PIAS1: variants seen among roughly 807,000 people sequenced by gnomAD.
PIAS1 encodes the protein E3 SUMO-protein ligase PIAS1.
Under a neutral mutation model 71.3 loss-of-function variants are expected in PIAS1, and 6 were observed. The ratio of observed to expected loss-of-function variants is 0.08; its 90% CI spans 0.05 to 0.17. The LOEUF is 0.17. PIAS1 is among the 10% of genes least tolerant of loss of function. The probability of loss-of-function intolerance (pLI) is 1.00; values close to 1 mark genes in which losing one functional copy is unlikely to be tolerated. For missense variants in PIAS1, 555 were observed against 793.6 expected (o/e 0.70, Z 3.61); for synonymous variants, 303 against 292.9 (o/e 1.03, Z -0.35).
At chr15:68,072,375 G>C (rs1318741410) in intron 1 of PIAS1, among the ~76,000 whole-genome samples, 1 of 138,964 alleles carries the variant, frequency 7.2e-6, no homozygotes, top group African/African-American at 2.8e-5. Flanking sequence ...ACTCCAGCCT[G>C]GGTGACAGAG....
At chr15:68,082,298 G>A (rs1215287452) in intron 1 of PIAS1, among the ~76,000 whole-genome samples, 1 of 152,094 alleles carries the variant, frequency 6.6e-6, no homozygotes, top group African/African-American at 2.4e-5. Flanking sequence ...CAGTATAAAA[G>A]AGAGACAAGG....
In PIAS1 at chr15:68,189,266, A is replaced by T. The variant is rs1346976106; in HGVS notation, c.*1431A>T. 6.6e-6 allele frequency: 1 copy of T among 152,204 alleles called. No homozygotes were observed. Among genetic ancestry groups the T allele is most frequent in the Non-Finnish European group, 1.5e-5 (1 of 68,028 alleles). 9.4% of individuals were successfully genotyped at this position (152,204 alleles called of 1,614,324 possible). A position where few individuals can be genotyped will look rare whatever the true frequency, so the allele number is the denominator to read the frequency against. On this transcript the variant is annotated 3_prime_UTR_variant, in exon 14 of 14. Transcript: ENST00000249636. ...ACTAATGTTCCAAAATCCTCATCAG[A>T]GAAGGTATGATGTTCTCAGGTGTGG...
chr15:68,154,317 G>A (rs78539949), intron 7 of PIAS1, among the ~76,000 whole-genome samples: 3,540 of 152,266 alleles, frequency 0.023, 135 homozygotes, highest in African/African-American at 0.081. Flanking sequence ...CTGTTTTTAA[G>A]GGTTAAGGTC....
chr15:68,165,270 C>T (rs765847157), intron 8 of PIAS1, among the ~76,000 whole-genome samples: 6 of 151,970 alleles, frequency 3.9e-5, no homozygotes, highest in African/African-American at 1.2e-4. Flanking sequence ...TATAGGCATG[C>T]GCCACCACAC....
intron 1 of PIAS1, among the ~76,000 whole-genome samples, chr15:68,059,603 C>T (rs955419647): frequency 6.7e-6 from 1 of 149,936 alleles, no homozygotes; most frequent in African/African-American, 2.5e-5. Flanking sequence ...CTCAGCTACT[C>T]AGGAGGCTGA....
chr15:68,143,330 G>A (rs1209251017), intron 4 of PIAS1, among the ~76,000 whole-genome samples: 3 of 151,988 alleles, frequency 2.0e-5, no homozygotes, highest in Non-Finnish European at 2.9e-5. Context: ...AATCTAAAAC[G>A]CCTGTTCAGC....
chr15:68,147,179 G>A (rs947347293), intron 6 of PIAS1, among the ~76,000 whole-genome samples: 11 of 152,152 alleles, frequency 7.2e-5, no homozygotes, highest in Non-Finnish European at 1.5e-5. Flanking sequence ...AAGAAATTTT[G>A]TGTACATTGA....
intron 11 of PIAS1, 111 bp from the exon 12 acceptor site, chr15:68,181,101 C>T: frequency 2.4e-6 from 2 of 823,766 alleles, no homozygotes; most frequent in Non-Finnish European, 2.0e-6. Flanking sequence ...TGGTTTTGTT[C>T]TTATTTCCAG....
Position 68,181,699 on chromosome 15 carries a change from G to A in PIAS1, c.1624+345G>A, listed in dbSNP as rs1268488504. 8 of 191,784 alleles carry A rather than the reference G, an allele frequency of 4.2e-5. No individual in the cohort carries two copies. The South Asian group carries it at 4.4e-4, about 11-fold the overall frequency. 11.9% of individuals were successfully genotyped at this position (191,784 alleles called of 1,614,324 possible). A position where few individuals can be genotyped will look rare whatever the true frequency, so the allele number is the denominator to read the frequency against. The stretch of plus-strand genomic sequence containing the variant: ...ATTATTTTTTTTTGCCGTGGGGAAC[G>A]GAGTCTTGCTCTGTTGCCTGGGCTG... On this transcript the variant is annotated intron_variant, in intron 12 of 13. Transcript: ENST00000249636.
At chr15:68,181,090 T>A in intron 11 of PIAS1, 122 bp from the exon 12 acceptor site, 1 of 722,738 alleles carries the variant, frequency 1.4e-6, no homozygotes, top group Non-Finnish European at 2.3e-6. Flanking sequence ...ATTGCTTTGC[T>A]TGGTTTTGTT....
At chr15:68,142,975 C>T (rs28567561) in intron 4 of PIAS1, among the ~76,000 whole-genome samples, 1,693 of 152,012 alleles carry the variant, frequency 0.011, 31 homozygotes, top group African/African-American at 0.039. Flanking sequence ...GATTCACAAC[C>T]CCTTATTGAG....
chr15:68,110,459 G>A (rs2141009003), intron 2 of PIAS1, among the ~76,000 whole-genome samples: 1 of 152,198 alleles, frequency 6.6e-6, no homozygotes, highest in Non-Finnish European at 1.5e-5. Flanking sequence ...AGCCCGGTGT[G>A]GTGGCGGGTG....
chr15:68,113,823 A>G (rs766615921), intron 2 of PIAS1, among the ~76,000 whole-genome samples: 11 of 152,128 alleles, frequency 7.2e-5, no homozygotes, highest in Non-Finnish European at 1.5e-4. Flanking sequence ...AAAGTTTAAT[A>G]GTATTACATG....
chr15:68,135,690 G>T (rs1452400132), intron 2 of PIAS1, among the ~76,000 whole-genome samples: 5 of 68,116 alleles, frequency 7.3e-5, no homozygotes, highest in Non-Finnish European at 1.8e-4. Context: ...CTCCCTCCCG[G>T]ACGGGGTGGC....
chr15:68,073,176 C>A (rs999306991), intron 1 of PIAS1, among the ~76,000 whole-genome samples: 1 of 152,092 alleles, frequency 6.6e-6, no homozygotes, highest in Non-Finnish European at 1.5e-5. Context: ...CCACCACGCC[C>A]GGCTCATTTT....
chr15:68,055,540 T>C (rs545658426), intron 1 of PIAS1, among the ~76,000 whole-genome samples: 1 of 152,110 alleles, frequency 6.6e-6, no homozygotes, highest in Non-Finnish European at 1.5e-5. Flanking sequence ...CAAATGGGGC[T>C]CCGCTTGAAT....
intron 2 of PIAS1, among the ~76,000 whole-genome samples, chr15:68,119,861 A>G (rs906199497): frequency 6.6e-6 from 1 of 152,228 alleles, no homozygotes; most frequent in African/African-American, 2.4e-5. Context: ...TATTATGTAC[A>G]TGTCCTCTTG....
At chr15:68,179,758 A>G (rs2093042856) in intron 11 of PIAS1, among the ~76,000 whole-genome samples, 2 of 150,462 alleles carry the variant, frequency 1.3e-5, no homozygotes, top group South Asian at 4.2e-4. Context: ...TGTATTTTTT[A>G]GTAGAGACAG....
At chr15:68,066,918 C>G (rs2092035435) in intron 1 of PIAS1, among the ~76,000 whole-genome samples, 1 of 152,154 alleles carries the variant, frequency 6.6e-6, no homozygotes, top group Non-Finnish European at 1.5e-5. Flanking sequence ...GATTAATGGT[C>G]TTCTAAGTGT....
Sources: allele counts gnomAD v4.1 joint callset (sites outside exome capture counted in the v4.1 genomes callset), GRCh38; gene constraint gnomAD v4.1.1; transcripts MANE v1.5; gene names NCBI Gene and HGNC (gene_info 2026-07-23, HGNC 2026-07-21).